The following ZBTB20 variants were observed in gnomAD, a reference collection of about 807,000 sequenced individuals.
The protein encoded by ZBTB20 is zinc finger and BTB domain containing 20.
A neutral mutation model predicts 56.9 loss-of-function variants in ZBTB20; 9 were observed. That is an observed-to-expected ratio of 0.16 (90% CI 0.10 to 0.28). ZBTB20 has a LOEUF of 0.28. Among genes scored for constraint, ZBTB20 ranks in the 10% least tolerant of loss-of-function variants. The pLI is 1.00. For missense variants in ZBTB20, 655 were observed against 1,003.0 expected (o/e 0.65, Z 4.69); for synonymous variants, 417 against 420.7 (o/e 0.99, Z 0.11).
chr3:114,943,791 C>A (rs1204392952), intron 3 of ZBTB20, among the ~76,000 whole-genome samples: 1 of 142,956 alleles, frequency 7.0e-6, no homozygotes, highest in Non-Finnish European at 1.5e-5. Flanking sequence ...GGAGAATAGG[C>A]AGAAGCAAAA....
intron 6 of ZBTB20, among the ~76,000 whole-genome samples, chr3:114,654,208 A>C (rs1194935106): frequency 6.6e-6 from 1 of 151,614 alleles, no homozygotes; most frequent in Non-Finnish European, 1.5e-5. Flanking sequence ...TTGATCTTAA[A>C]CCTTTCTTCT....
chr3:115,010,411 T>C (rs1438901590), intron 2 of ZBTB20, among the ~76,000 whole-genome samples: 3 of 151,930 alleles, frequency 2.0e-5, no homozygotes, highest in African/African-American at 7.2e-5. Flanking sequence ...GCAAAGGAGC[T>C]TGGGTCACTC....
At chr3:115,120,130 C>G (rs567272417) in intron 1 of ZBTB20, among the ~76,000 whole-genome samples, 2 of 151,844 alleles carry the variant, frequency 1.3e-5, no homozygotes, top group African/African-American at 4.8e-5. Context: ...TTATTCAAAC[C>G]CATAAAATGT....
intron 5 of ZBTB20, among the ~76,000 whole-genome samples, chr3:114,724,148 C>G (rs181325911): frequency 2.0e-5 from 3 of 152,044 alleles, no homozygotes; most frequent in African/African-American, 7.2e-5. Context: ...GCTGGGATTA[C>G]AGGTGTGAGC....
intron 1 of ZBTB20, among the ~76,000 whole-genome samples, chr3:115,132,223 T>A (rs868632036): frequency 4.5e-4 from 69 of 152,306 alleles, no homozygotes; most frequent in African/African-American, 1.6e-3. Flanking sequence ...TTTGTTTTCA[T>A]ATAGTTCCTG....
intron 5 of ZBTB20, among the ~76,000 whole-genome samples, chr3:114,716,885 A>G (rs1168045026): frequency 6.6e-6 from 1 of 152,132 alleles, no homozygotes; most frequent in East Asian, 1.9e-4. Context: ...GAATGCACAG[A>G]AGGGAAAATA....
At chr3:114,579,977 T>C (rs536644064) in intron 6 of ZBTB20, among the ~76,000 whole-genome samples, 15 of 151,628 alleles carry the variant, frequency 9.9e-5, no homozygotes, top group African/African-American at 3.4e-4. Flanking sequence ...ATCCCAATAA[T>C]GTGAAAACTG....
At chr3:114,900,507 A>ATG in intron 3 of ZBTB20, 165 bp from the exon 4 acceptor site, 2 of 6,570 alleles carry the variant, frequency 3.0e-4, no homozygotes, top group Non-Finnish European at 4.6e-3. Context: ...ATATCTGAAA[A>ATG]TATATACACA....
chr3:114,803,857 A>T (rs374994519), intron 4 of ZBTB20, among the ~76,000 whole-genome samples: 24 of 150,506 alleles, frequency 1.6e-4, no homozygotes, highest in African/African-American at 5.1e-4. Flanking sequence ...AGTATGTGTC[A>T]TCAATAAGAA....
intron 4 of ZBTB20, among the ~76,000 whole-genome samples, chr3:114,843,313 C>T (rs922705220): frequency 3.9e-5 from 6 of 152,116 alleles, no homozygotes; most frequent in Non-Finnish European, 7.4e-5. Flanking sequence ...ATCTATCTCC[C>T]CCTGAGTCCA....
intron 4 of ZBTB20, among the ~76,000 whole-genome samples, chr3:114,881,739 A>C (rs2076406390): frequency 6.6e-6 from 1 of 151,846 alleles, no homozygotes; most frequent in Non-Finnish European, 1.5e-5. Flanking sequence ...TGCCTTCCTA[A>C]AAAGTTCATA....
intron 7 of ZBTB20, among the ~76,000 whole-genome samples, chr3:114,464,293 C>G (rs2092451392): frequency 6.6e-6 from 1 of 152,062 alleles, no homozygotes; most frequent in Non-Finnish European, 1.5e-5. Context: ...CATTGGGCCA[C>G]TTATTTTTCC....
intron 5 of ZBTB20, among the ~76,000 whole-genome samples, chr3:114,799,390 G>A (rs1560264324): frequency 6.6e-6 from 1 of 151,914 alleles, no homozygotes; most frequent in Non-Finnish European, 1.5e-5. Flanking sequence ...AGTCAATGAG[G>A]TAAGGGGCTG....
chr3:114,404,064 C>T (rs1214729054), intron 7 of ZBTB20, among the ~76,000 whole-genome samples: 1 of 152,170 alleles, frequency 6.6e-6, no homozygotes, highest in African/African-American at 2.4e-5. Context: ...TCTCCTGCTC[C>T]GTGCCTATGC....
At chr3:115,025,781 A>G (rs1485654543) in intron 2 of ZBTB20, among the ~76,000 whole-genome samples, 1 of 150,270 alleles carries the variant, frequency 6.7e-6, no homozygotes, top group Non-Finnish European at 1.5e-5. Flanking sequence ...ATATTTCTCA[A>G]TTTTCCTACT....
chr3:114,946,506 A>C (rs761187609), intron 3 of ZBTB20, among the ~76,000 whole-genome samples: 1 of 145,330 alleles, frequency 6.9e-6, no homozygotes, highest in Non-Finnish European at 1.5e-5. Flanking sequence ...AGGACAAATA[A>C]CCTTAACAGG....
At chr3:114,814,069 T>C (rs538539351) in intron 4 of ZBTB20, among the ~76,000 whole-genome samples, 73 of 151,832 alleles carry the variant, frequency 4.8e-4, no homozygotes, top group Non-Finnish European at 7.4e-4. Context: ...TCCTAGAAAA[T>C]TGATTTTTCT....
chr3:114,798,107 TC>T (rs1198649094), intron 5 of ZBTB20, among the ~76,000 whole-genome samples: 1 of 151,860 alleles, frequency 6.6e-6, no homozygotes, highest in African/African-American at 2.4e-5. Context: ...ACAGTGACAT[TC>T]TGACACCATG....
chr3:114,548,193 G>A (rs1178209894), intron 6 of ZBTB20, among the ~76,000 whole-genome samples: 3 of 152,212 alleles, frequency 2.0e-5, no homozygotes, highest in Non-Finnish European at 4.4e-5. Flanking sequence ...ACTGCAAATA[G>A]TTATATTGTG....
Sources: gnomAD v4.1 joint callset for allele counts (sites outside exome capture counted in the v4.1 genomes callset) on GRCh38, gnomAD v4.1.1 for gene constraint, MANE v1.5 for transcripts, NCBI Gene and HGNC (gene_info 2026-07-23, HGNC 2026-07-21) for gene names.